Variants in FGF13 observed in about 807,000 individuals in gnomAD.
FGF13 encodes fibroblast growth factor 13, also known as fibroblast growth factor homologous factor 2.
In FGF13, 2 loss-of-function variants were observed where a neutral mutation model predicts 19.5. The ratio of observed to expected loss-of-function variants is 0.10; its 90% CI spans 0.04 to 0.32. The LOEUF (loss-of-function observed/expected upper bound fraction) is 0.32, where lower values mean the gene tolerates loss of function less well. FGF13 is among the 10% of genes least tolerant of loss of function. The pLI, the probability that FGF13 is intolerant of heterozygous loss-of-function variation, is 1.00. For synonymous variants in FGF13, 72 were observed against 76.9 expected (o/e 0.94, Z 0.33); for missense variants, 113 against 192.7 (o/e 0.59, Z 2.45).
intron 1 of FGF13, among the ~76,000 whole-genome samples, chrX:139,146,447 G>A (rs1196882645): frequency 8.0e-5 from 9 of 112,027 alleles, no homozygotes; most frequent in African/African-American, 2.3e-4. Flanking sequence ...TTAGCATGGC[G>A]ATCATTAAAA....
At chrX:138,750,442 A>AGG in intron 3 of FGF13, among the ~76,000 whole-genome samples, 1 of 110,414 alleles carries the variant, frequency 9.1e-6, no homozygotes, top group Non-Finnish European at 1.9e-5. Flanking sequence ...ATTTAGATTC[A>AGG]GGGGGTACAT....
intron 3 of FGF13, among the ~76,000 whole-genome samples, chrX:138,675,122 G>C (rs891681294): frequency 9.0e-6 from 1 of 111,326 alleles, no homozygotes; most frequent in Non-Finnish European, 1.9e-5. Flanking sequence ...AACTCTTGCC[G>C]CTTTCCCAAG....
At chrX:138,950,547 C>G (rs1003976459) in intron 1 of FGF13, among the ~76,000 whole-genome samples, 8 of 111,780 alleles carry the variant, frequency 7.2e-5, no homozygotes, top group African/African-American at 2.6e-4. Flanking sequence ...ATGTCAAAGT[C>G]CCTGCTCTTT....
chrX:138,772,784 A>G (rs1376226538), intron 3 of FGF13, among the ~76,000 whole-genome samples: 1 of 111,032 alleles, frequency 9.0e-6, no homozygotes, highest in East Asian at 2.8e-4. Context: ...AGCTTTGAAA[A>G]CCGTCAAAAT....
chrX:139,117,672 T>A (rs1257137410), intron 1 of FGF13, among the ~76,000 whole-genome samples: 1 of 111,475 alleles, frequency 9.0e-6, no homozygotes, highest in Admixed American at 9.5e-5. Context: ...GTTACTATCA[T>A]TAGTTTTAAA....
intron 1 of FGF13, among the ~76,000 whole-genome samples, chrX:139,034,051 G>A (rs5976253): frequency 0.017 from 1,843 of 111,571 alleles, 39 homozygotes; most frequent in African/African-American, 0.056. Flanking sequence ...ACTTCTATCA[G>A]AATTATTGAC....
At chrX:139,203,976 G>A (rs752582644), upstream of FGF13, 1,575 of 1,044,109 alleles carry the variant, frequency 1.5e-3, 17 homozygotes, top group African/African-American at 0.026. Context: ...AGGAGGCAAG[G>A]AGCCGCCGGA....
At chrX:139,108,657 T>C (rs970481987) in intron 1 of FGF13, among the ~76,000 whole-genome samples, 4 of 111,118 alleles carry the variant, frequency 3.6e-5, no homozygotes, top group African/African-American at 1.3e-4. Flanking sequence ...TGGATTTTTA[T>C]ATATATATTT....
intron 3 of FGF13, among the ~76,000 whole-genome samples, chrX:138,826,238 C>T (rs138518226): frequency 0.023 from 2,565 of 111,638 alleles, 77 homozygotes; most frequent in African/African-American, 0.08. Flanking sequence ...TTTTAGGATG[C>T]CTTGCCCAAT....
At chrX:139,164,459 A>C (rs762467996) in intron 1 of FGF13, among the ~76,000 whole-genome samples, 22 of 111,142 alleles carry the variant, frequency 2.0e-4, no homozygotes, top group African/African-American at 7.2e-4. Flanking sequence ...TTTAGAGCCC[A>C]GGCGGGTGGA....
chrX:139,016,597 G>C (rs1325946064), intron 1 of FGF13, among the ~76,000 whole-genome samples: 2 of 112,250 alleles, frequency 1.8e-5, no homozygotes, highest in Non-Finnish European at 3.8e-5. Context: ...GGAAAGTAAG[G>C]CAGCTGGACT....
chrX:139,127,795 A>C (rs2083728189), intron 1 of FGF13, among the ~76,000 whole-genome samples: 1 of 111,413 alleles, frequency 9.0e-6, no homozygotes, highest in South Asian at 3.8e-4. Context: ...TTCAGGGGCA[A>C]GTAAGCCAAT....
chrX:139,090,754 A>C (rs1215857879), intron 1 of FGF13, among the ~76,000 whole-genome samples: 1 of 109,417 alleles, frequency 9.1e-6, no homozygotes, highest in African/African-American at 3.3e-5. Context: ...CAGTCTTGGC[A>C]ACATGGCAAA....
chrX:138,867,784 TC>T (rs1342582358), intron 1 of FGF13, among the ~76,000 whole-genome samples: 1 of 66,185 alleles, frequency 1.5e-5, no homozygotes, highest in African/African-American at 6.2e-5. Context: ...TGTCTCTAAA[TC>T]TATCTATCTA....
Position 139,000,233 on chromosome X carries a change from G to T in FGF13, c.-112-135583C>A, listed in dbSNP as rs1295805109. On this transcript the variant is annotated intron_variant, in intron 1 of 2. Coordinates refer to the FGF13 transcript ENST00000421460. ...GACAAACCCACAGCCAATATCATAT[G>T]GAATGGGTAAAAACTGGAAGCATTT... is the stretch of plus-strand genomic sequence containing the variant. Among the ~76,000 whole-genome samples the T allele has an allele frequency of 7.2e-5, 8 of 111,742 alleles. No individual in the cohort carries two copies. In the East Asian group the frequency reaches 2.2e-3, roughly 31 times the overall value.
At chrX:138,688,533 C>A (rs1243917333) in intron 3 of FGF13, among the ~76,000 whole-genome samples, 2 of 111,288 alleles carry the variant, frequency 1.8e-5, no homozygotes, top group African/African-American at 3.3e-5. Context: ...GTCCCAGTTA[C>A]CCTGATTTGA....
At chrX:138,930,123 G>T (rs2091694819) in intron 1 of FGF13, among the ~76,000 whole-genome samples, 2 of 111,455 alleles carry the variant, frequency 1.8e-5, no homozygotes, top group Non-Finnish European at 3.8e-5. Flanking sequence ...GCAGGGTATT[G>T]GTTGCCTAGC....
intron 1 of FGF13, among the ~76,000 whole-genome samples, chrX:139,189,168 A>C (rs1292910501): frequency 9.0e-6 from 1 of 110,938 alleles, no homozygotes; most frequent in Non-Finnish European, 1.9e-5. Flanking sequence ...ATGGTTCTCA[A>C]ACTTGCAAGT....
At chrX:139,153,568 G>A (rs747002212) in intron 1 of FGF13, among the ~76,000 whole-genome samples, 1 of 110,998 alleles carries the variant, frequency 9.0e-6, no homozygotes, top group South Asian at 3.9e-4. Flanking sequence ...GTGCCACTGG[G>A]TGGAAGGGAG....
Sources: allele counts gnomAD v4.1 joint callset (sites outside exome capture counted in the v4.1 genomes callset), GRCh38; gene constraint gnomAD v4.1.1; transcripts MANE v1.5; gene names NCBI Gene and HGNC (gene_info 2026-07-23, HGNC 2026-07-21).